The following OSBPL3 variants were observed in gnomAD, a reference collection of about 807,000 sequenced individuals.
OSBPL3 encodes oxysterol-binding protein-related protein 3.
In OSBPL3, 65 loss-of-function variants were observed where a neutral mutation model predicts 120.1. The ratio of observed to expected loss-of-function variants is 0.54; its 90% CI spans 0.44 to 0.67. OSBPL3 has a LOEUF of 0.67. OSBPL3 is among the 30% of genes least tolerant of loss of function. OSBPL3 has a pLI of 0.00. For synonymous variants in OSBPL3, 416 were observed against 402.6 expected, an observed-to-expected ratio of 1.03 and a Z score of -0.40; for missense variants, 1,004 against 1,082.1, an observed-to-expected ratio of 0.93 and a Z score of 1.01.
chr7:24,949,855 G>A lies in OSBPL3; in HGVS notation c.-150+30031C>T, dbSNP rs78518268. 7.9e-3 allele frequency among the ~76,000 whole-genome samples: 1,207 copies of A among 152,270 alleles called. 7 individuals carry two copies. The highest frequency in any genetic ancestry group is 0.018 in the Admixed American group (276 of 15,294). ...CCTCTCTCCCCGCTCCCTCAGCGCT[G>A]CTTCCTAAGATCACCTCCCAAATAA... On this transcript the variant is annotated intron_variant, in intron 1 of 22. Coordinates refer to ENST00000313367, the MANE Select transcript of OSBPL3 (RefSeq NM_015550.4).
intron 1 of OSBPL3, among the ~76,000 whole-genome samples, chr7:24,945,198 C>G (rs1027104028): frequency 6.6e-6 from 1 of 151,934 alleles, no homozygotes; most frequent in African/African-American, 2.4e-5. Flanking sequence ...ATAATCCTTC[C>G]CTCCTTCAAT....
chr7:24,815,065 A>C lies in OSBPL3; in HGVS notation c.2166T>G (p.Phe722Leu), dbSNP rs763651251. 8.1e-6 allele frequency: 13 copies of C among 1,614,118 alleles called. No individual in the cohort carries two copies. The Admixed American group carries it at 2.2e-4, about 27-fold the overall frequency. Reference protein sequence around the residue: ...HDDSCYCKVNFIKAKYWSTNA... With the variant: ...HDDSCYCKVNLIKAKYWSTNA... ...AGAGAGTCACTGGAGTTACCTTTAT[A>C]AAATTCACTTTGCAGTAGCAGGAAT... The change falls in exon 19 of 23, where the codon TTT becomes TTG. Residue 722 changes from phenylalanine to leucine, a missense_variant. This residue lies in a region of OSBPL3 where 473 missense variants were observed against 568.0 expected (regional missense o/e 0.83). Coordinates refer to ENST00000313367, the MANE Select transcript of OSBPL3 (RefSeq NM_015550.4). This position sits in a 1 kb window ranked among gnomAD's most constrained non-coding sequence, Gnocchi z 5.1.
At chr7:24,882,473 A>G (rs1158596216) in intron 2 of OSBPL3, among the ~76,000 whole-genome samples, 1 of 152,168 alleles carries the variant, frequency 6.6e-6, no homozygotes, top group Non-Finnish European at 1.5e-5. Flanking sequence ...CCATGTGTGT[A>G]TATATTTTCG....
In OSBPL3 at chr7:24,822,103, G is replaced by A. The variant is rs1004145615; in HGVS notation, c.1885-1865C>T. 7.9e-5 allele frequency among the ~76,000 whole-genome samples: 12 copies of A among 152,052 alleles called. No individual in the cohort carries two copies. The highest frequency in any genetic ancestry group is 1.2e-4 in the African/African-American group (5 of 41,392). On this transcript the variant is annotated intron_variant, in intron 16 of 22. Coordinates refer to ENST00000313367, the MANE Select transcript of OSBPL3 (RefSeq NM_015550.4). The surrounding 1 kb of genome is among the most constrained non-coding windows in gnomAD (Gnocchi z 5.8). Reference sequence around the variant, plus strand: ...TGCCCAGACTGGTCCGGAACTCCTGGCCTCAAGTGATCTTCCCACCTCAGC... The same window carrying A: ...TGCCCAGACTGGTCCGGAACTCCTGACCTCAAGTGATCTTCCCACCTCAGC...
At chr7:24,923,665 C>T (rs868785161) in intron 1 of OSBPL3, among the ~76,000 whole-genome samples, 3 of 152,120 alleles carry the variant, frequency 2.0e-5, no homozygotes, top group Non-Finnish European at 2.9e-5. Flanking sequence ...ACAGACAGCA[C>T]GCACATGCAA....
Position 24,824,643 on chromosome 7 carries a change from G to A in OSBPL3, c.1885-4405C>T, listed in dbSNP as rs1017069429. On this transcript the variant is annotated intron_variant, in intron 16 of 22. Transcript: ENST00000313367. The surrounding 1 kb of genome is among the most constrained non-coding windows in gnomAD (Gnocchi z 4.9). Reference sequence around the variant, plus strand: ...GATTGCCTGTGATGTGTCAGGCACCGTCCTAGTCACCAAGGGTAAAAATTC... The same window carrying A: ...GATTGCCTGTGATGTGTCAGGCACCATCCTAGTCACCAAGGGTAAAAATTC... Among the ~76,000 whole-genome samples the A allele has an allele frequency of 9.2e-5, 14 of 152,304 alleles. No individual in the cohort carries two copies. The South Asian group carries it at 1.4e-3, about 16-fold the overall frequency.
intron 1 of OSBPL3, among the ~76,000 whole-genome samples, chr7:24,901,241 T>G (rs1806970821): frequency 6.6e-6 from 1 of 150,524 alleles, no homozygotes; most frequent in African/African-American, 2.5e-5. Context: ...GCAGGAGAAT[T>G]GCTTGAACCC....
rs543699013 is a variant in OSBPL3 at position 24,871,412 on chromosome 7, G to A, written c.267+330C>T. Among the ~76,000 whole-genome samples the A allele has an allele frequency of 7.9e-5, 12 of 152,224 alleles. No homozygotes were observed. The highest frequency in any genetic ancestry group is 5.2e-4 in the Admixed American group (8 of 15,298). On this transcript the variant is annotated intron_variant, in intron 4 of 22. Coordinates refer to ENST00000313367, the MANE Select transcript of OSBPL3 (RefSeq NM_015550.4). The surrounding 1 kb of genome is among the most constrained non-coding windows in gnomAD (Gnocchi z 4.8). ...CAGGGGCTTCTCCCCGGAATCTCTC[G>A]GTCACAGTGCAAGAGGGAGGGATGC...
intron 2 of OSBPL3, among the ~76,000 whole-genome samples, chr7:24,889,749 G>A (rs1562889259): frequency 6.6e-6 from 1 of 152,222 alleles, no homozygotes; most frequent in South Asian, 2.1e-4. Flanking sequence ...GGAAAAGGCT[G>A]GGACCTGAGC....
In OSBPL3 at chr7:24,966,767, T is replaced by G. The variant is rs1816428027; in HGVS notation, c.-150+13119A>C. Among the ~76,000 whole-genome samples, 1 of 152,230 alleles carries G rather than the reference T, an allele frequency of 6.6e-6. No homozygotes were observed. Among genetic ancestry groups the G allele is most frequent in the East Asian group, 1.9e-4 (1 of 5,208 alleles). The stretch of plus-strand genomic sequence containing the variant: ...ATGTATGTTTATAAGGTAAAAGAAC[T>G]GCTAGTACAAACACAACGCCTCTCT... On this transcript the variant is annotated intron_variant, in intron 1 of 22. Coordinates refer to ENST00000313367, the MANE Select transcript of OSBPL3 (RefSeq NM_015550.4). This position sits in a 1 kb window ranked among gnomAD's most constrained non-coding sequence, Gnocchi z 4.8.
chr7:24,928,616 G>A (rs1392197572), intron 1 of OSBPL3, among the ~76,000 whole-genome samples: 4 of 152,068 alleles, frequency 2.6e-5, no homozygotes, highest in Non-Finnish European at 4.4e-5. Flanking sequence ...TGTAACCATC[G>A]CTTCAATCAA....
At chr7:24,911,974 T>C (rs1203822875) in intron 1 of OSBPL3, among the ~76,000 whole-genome samples, 1 of 152,130 alleles carries the variant, frequency 6.6e-6, no homozygotes, top group African/African-American at 2.4e-5. Flanking sequence ...AACAATGACA[T>C]GGTTATTTTA....
chr7:24,971,275 C>A (rs941303734), intron 1 of OSBPL3, among the ~76,000 whole-genome samples: 4 of 152,238 alleles, frequency 2.6e-5, no homozygotes, highest in Non-Finnish European at 5.9e-5. Context: ...ACTACTTCGC[C>A]CTCTCTAAGC....
chr7:24,915,902 T>C (rs926571667), intron 1 of OSBPL3, among the ~76,000 whole-genome samples: 10 of 152,052 alleles, frequency 6.6e-5, no homozygotes, highest in Non-Finnish European at 1.5e-4. Context: ...TGAAAAGCCA[T>C]AGTAAAAAGA....
chr7:24,800,236 C>G lies in OSBPL3; in HGVS notation c.2611G>C (p.Glu871Gln). The change falls in exon 23 of 23, where the codon GAA becomes CAA. Residue 871 changes from glutamate (E) to glutamine (Q), a missense_variant. Physicochemically the swap from Glu to Gln is conservative, Grantham distance 29. Coordinates refer to ENST00000313367, the MANE Select transcript of OSBPL3 (RefSeq NM_015550.4). ...DSWVSNGTYL[E>Q]LRKDLGFSKL... ...GAAAAACCAAGATCTTTTCTAAGTTCCAAATAGGTGCCGTTGCTCACCCAA... is the reference window on the plus strand; with the variant it reads ...GAAAAACCAAGATCTTTTCTAAGTTGCAAATAGGTGCCGTTGCTCACCCAA... 1 of 1,612,744 alleles carries G rather than the reference C, an allele frequency of 6.2e-7. No homozygotes were observed. Among genetic ancestry groups the G allele is most frequent in the Non-Finnish European group, 8.5e-7 (1 of 1,178,888 alleles).
Position 24,873,773 on chromosome 7 carries a change from C to T in OSBPL3, c.97-1704G>A, listed in dbSNP as rs917810205. On this transcript the variant is annotated intron_variant, in intron 2 of 22. Transcript: ENST00000313367. This position sits in a 1 kb window ranked among gnomAD's most constrained non-coding sequence, Gnocchi z 4.1. The stretch of plus-strand genomic sequence containing the variant: ...AAAAACTTACTTGAATTTATTTTAG[C>T]TCAGAAAGCCATTCCACAAAATTTA... Among the ~76,000 whole-genome samples, 3 of 152,016 alleles carry T rather than the reference C, an allele frequency of 2.0e-5. No individual in the cohort carries two copies. The highest frequency in any genetic ancestry group is 4.8e-5 in the African/African-American group (2 of 41,386).
chr7:24,952,128 T>C lies in OSBPL3; in HGVS notation c.-150+27758A>G, dbSNP rs189367395. Among the ~76,000 whole-genome samples the C allele has an allele frequency of 1.3e-5, 2 of 152,336 alleles. No homozygotes were observed. Among genetic ancestry groups the C allele is most frequent in the East Asian group, 3.9e-4 (2 of 5,182 alleles). On this transcript the variant is annotated intron_variant, in intron 1 of 22. Transcript: ENST00000313367. The surrounding 1 kb of genome is among the most constrained non-coding windows in gnomAD (Gnocchi z 4.4). ...AGCTTCAAAAAAGGAGCTCAGACTT[T>C]GAGTAAAGTCTTAGTCTTGGAATGC... is the stretch of plus-strand genomic sequence containing the variant.
chr7:24,859,075 A>G (rs1299543942), intron 10 of OSBPL3, among the ~76,000 whole-genome samples: 1 of 152,194 alleles, frequency 6.6e-6, no homozygotes, highest in Non-Finnish European at 1.5e-5. Flanking sequence ...CAAAACACTC[A>G]TAACAGTCTA....
chr7:24,882,016 C>T (rs924782293), intron 2 of OSBPL3, among the ~76,000 whole-genome samples: 1 of 152,174 alleles, frequency 6.6e-6, no homozygotes, highest in African/African-American at 2.4e-5. Context: ...CCCTACTCAT[C>T]TCAAATCCTT....
Sources: allele counts gnomAD v4.1 joint callset (sites outside exome capture counted in the v4.1 genomes callset), GRCh38; gene constraint gnomAD v4.1.1; regional missense constraint gnomAD v4.1.1; non-coding constraint Gnocchi (gnomAD v3.1); transcripts MANE v1.5; gene names NCBI Gene and HGNC (gene_info 2026-07-23, HGNC 2026-07-21).